GPC5: variants seen among roughly 807,000 people sequenced by gnomAD.
The protein encoded by GPC5 is glypican 5.
GPC5 carries 47 observed loss-of-function variants against 53.9 expected under a neutral mutation model. That is an observed-to-expected ratio of 0.87 (90% CI 0.69 to 1.11). The LOEUF is 1.11. Among genes scored for constraint, GPC5 ranks in the 50% most tolerant of loss-of-function variants. The pLI, the probability that GPC5 is intolerant of heterozygous loss-of-function variation, is 0.00. For synonymous variants in GPC5, 286 were observed against 263.3 expected (o/e 1.09, Z -0.84); for missense variants, 748 against 713.1 (o/e 1.05, Z -0.56).
At chr13:92,369,652 A>G (rs1352761216) in intron 7 of GPC5, among the ~76,000 whole-genome samples, 8 of 152,370 alleles carry the variant, frequency 5.3e-5, no homozygotes, top group Admixed American at 4.6e-4. Context: ...ATGAATGTCA[A>G]TATAAATGAA....
intron 2 of GPC5, among the ~76,000 whole-genome samples, chr13:91,623,910 T>A (rs150367516): frequency 2.6e-4 from 40 of 152,194 alleles, no homozygotes; most frequent in African/African-American, 8.9e-4. Context: ...AGGGAATATA[T>A]TGTCCTAAGA....
chr13:92,632,039 C>A (rs1885256302), intron 7 of GPC5, among the ~76,000 whole-genome samples: 1 of 152,108 alleles, frequency 6.6e-6, no homozygotes, highest in African/African-American at 2.4e-5. Context: ...GGAAACAGTT[C>A]CCTCTAGATA....
intron 7 of GPC5, among the ~76,000 whole-genome samples, chr13:92,693,290 C>T (rs751626886): frequency 3.7e-4 from 56 of 152,096 alleles, no homozygotes; most frequent in Non-Finnish European, 7.2e-4. Context: ...GTGGAGGCGA[C>T]ATTGGAACTG....
At position 92,193,021 on chromosome 13, in the gene GPC5, A is replaced by G. The variant is rs186701846; in HGVS notation, c.1561+48032A>G. Among the ~76,000 whole-genome samples the G allele has an allele frequency of 3.2e-3, 484 of 152,232 alleles. 3 individuals are homozygous for G. The highest frequency in any genetic ancestry group is 0.011 in the African/African-American group (459 of 41,548). On this transcript the variant is annotated intron_variant, in intron 7 of 7. Transcript: ENST00000377067. The stretch of plus-strand genomic sequence containing the variant: ...GAAATCCCATCTCTACTAAAAATAC[A>G]AAAATTAGCTGGGTGTGTTGGCGAG...
intron 6 of GPC5, among the ~76,000 whole-genome samples, chr13:92,117,084 G>A (rs1430330818): frequency 6.6e-6 from 1 of 152,044 alleles, no homozygotes; most frequent in African/African-American, 2.4e-5. Flanking sequence ...TTTTGCATGT[G>A]AGAACACTTT....
At chr13:91,432,203 C>CTGCTGCTGTGTGTGTGTGTG (rs1555306318) in intron 1 of GPC5, among the ~76,000 whole-genome samples, 1 of 136,354 alleles carries the variant, frequency 7.3e-6, no homozygotes, top group African/African-American at 2.8e-5. Flanking sequence ...GCTGCTGCTG[C>CTGCTGCTGTGTGTGTGTGTG]TGTGTGTGTG....
chr13:91,622,020 T>C (rs898559981), intron 2 of GPC5, among the ~76,000 whole-genome samples: 1 of 151,680 alleles, frequency 6.6e-6, no homozygotes, highest in African/African-American at 2.4e-5. Flanking sequence ...TGTTCAAGAG[T>C]AGGAAGCATC....
chr13:91,590,046 TATTA>T (rs2032740372), intron 2 of GPC5, among the ~76,000 whole-genome samples: 1 of 151,956 alleles, frequency 6.6e-6, no homozygotes, highest in African/African-American at 2.4e-5. Flanking sequence ...TTATATATCT[TATTA>T]ATTTCAATAT....
chr13:91,586,525 TA>T (rs1374340904), intron 2 of GPC5, among the ~76,000 whole-genome samples: 2 of 31,920 alleles, frequency 6.3e-5, no homozygotes, highest in African/African-American at 3.9e-4. Flanking sequence ...TATATATATA[TA>T]TATATATATA....
At chr13:91,731,826 C>G (rs543983967) in intron 4 of GPC5, among the ~76,000 whole-genome samples, 4 of 152,296 alleles carry the variant, frequency 2.6e-5, no homozygotes, top group African/African-American at 9.6e-5. Context: ...ATGATGGCTT[C>G]CAGCTTCACC....
chr13:92,097,414 G>T (rs2041430631), intron 6 of GPC5, among the ~76,000 whole-genome samples: 2 of 152,190 alleles, frequency 1.3e-5, no homozygotes, highest in Admixed American at 1.3e-4. Context: ...ATGCTGCCAA[G>T]AACGTGTACT....
intron 6 of GPC5, among the ~76,000 whole-genome samples, chr13:92,061,921 A>T (rs1351402353): frequency 6.6e-6 from 1 of 152,042 alleles, no homozygotes. Flanking sequence ...ACTGTAGGCT[A>T]TAAGATCTTT....
At chr13:92,576,952 T>C (rs1174698074) in intron 7 of GPC5, among the ~76,000 whole-genome samples, 1 of 152,222 alleles carries the variant, frequency 6.6e-6, no homozygotes, top group Admixed American at 6.5e-5. Flanking sequence ...TTTTGTATCC[T>C]GCAATGAGTA....
intron 2 of GPC5, among the ~76,000 whole-genome samples, chr13:91,489,714 C>T (rs770111770): frequency 6.6e-6 from 1 of 152,048 alleles, no homozygotes; most frequent in Non-Finnish European, 1.5e-5. Context: ...AAATAGCCTC[C>T]CCACCTTCCT....
At chr13:92,257,841 C>A (rs992095998) in intron 7 of GPC5, among the ~76,000 whole-genome samples, 10 of 151,972 alleles carry the variant, frequency 6.6e-5, no homozygotes, top group African/African-American at 2.4e-4. Context: ...TGAGCCACCA[C>A]GCCTGGCCTA....
intron 6 of GPC5, among the ~76,000 whole-genome samples, chr13:91,926,085 G>A (rs914395179): frequency 1.3e-5 from 2 of 152,168 alleles, no homozygotes; most frequent in East Asian, 1.9e-4. Flanking sequence ...CAAAATAGCC[G>A]GGTGCAGTGG....
At chr13:92,391,553 G>C (rs191353372) in intron 7 of GPC5, among the ~76,000 whole-genome samples, 1 of 152,188 alleles carries the variant, frequency 6.6e-6, no homozygotes, top group East Asian at 1.9e-4. Context: ...AAGTATAATG[G>C]AATATTCCAA....
intron 2 of GPC5, among the ~76,000 whole-genome samples, chr13:91,663,430 TC>T (rs1213281407): frequency 2.0e-5 from 3 of 152,146 alleles, no homozygotes; most frequent in East Asian, 3.9e-4. Flanking sequence ...GCCTCTTTTT[TC>T]CCCCTGAATT....
chr13:91,584,933 A>G (rs1455859137), intron 2 of GPC5, among the ~76,000 whole-genome samples: 1 of 152,226 alleles, frequency 6.6e-6, no homozygotes, highest in African/African-American at 2.4e-5. Context: ...AAGGTAAATC[A>G]CAAATAGGAG....
Sources: gnomAD v4.1 joint callset for allele counts (sites outside exome capture counted in the v4.1 genomes callset) on GRCh38, gnomAD v4.1.1 for gene constraint, MANE v1.5 for transcripts, NCBI Gene and HGNC (gene_info 2026-07-23, HGNC 2026-07-21) for gene names.